TRIM33: variants seen among roughly 807,000 people sequenced by gnomAD.
The protein encoded by TRIM33 is tripartite motif containing 33, also known as E3 ubiquitin-protein ligase TRIM33.
In TRIM33, 20 loss-of-function variants were observed where a neutral mutation model predicts 125.4. That is an observed-to-expected ratio of 0.16 (90% confidence interval 0.11 to 0.23). The LOEUF (loss-of-function observed/expected upper bound fraction) is 0.23, where lower values mean the gene tolerates loss of function less well. TRIM33 is among the 10% of genes least tolerant of loss of function. The probability of loss-of-function intolerance (pLI) is 1.00; values close to 1 mark genes in which losing one functional copy is unlikely to be tolerated. For synonymous variants in TRIM33, 564 were observed against 513.9 expected (o/e 1.10, Z -1.32); for missense variants, 920 against 1,411.4 (o/e 0.65, Z 5.58).
chr1:114,426,170 A>G (rs959781402), intron 8 of TRIM33, among the ~76,000 whole-genome samples: 3 of 152,166 alleles, frequency 2.0e-5, no homozygotes, highest in African/African-American at 7.2e-5. Flanking sequence ...GGAAATACTG[A>G]ATGCTTTAAA....
intron 1 of TRIM33, among the ~76,000 whole-genome samples, chr1:114,503,663 T>C (rs1003754411): frequency 6.6e-6 from 1 of 152,186 alleles, no homozygotes; most frequent in African/African-American, 2.4e-5. Flanking sequence ...CAGGAAAGTC[T>C]TTAAATACTG....
chr1:114,475,907 G>A (rs1036953006), intron 1 of TRIM33, among the ~76,000 whole-genome samples: 3 of 151,936 alleles, frequency 2.0e-5, no homozygotes, highest in Non-Finnish European at 4.4e-5. Context: ...CAAGGCTGAG[G>A]CAGGATTGCT....
intron 6 of TRIM33, among the ~76,000 whole-genome samples, chr1:114,428,817 G>A (rs1647752463): frequency 6.6e-6 from 1 of 151,658 alleles, no homozygotes; most frequent in South Asian, 2.1e-4. Flanking sequence ...GTAGTATGTG[G>A]CGTATTTACC....
chr1:114,472,035 A>G (rs1204329822), intron 1 of TRIM33, among the ~76,000 whole-genome samples: 2 of 152,220 alleles, frequency 1.3e-5, no homozygotes, highest in East Asian at 3.8e-4. Context: ...GCATTTGATT[A>G]TAGGGTACGA....
intron 4 of TRIM33, among the ~76,000 whole-genome samples, chr1:114,446,323 A>G (rs1445588692): frequency 1.3e-5 from 2 of 152,214 alleles, no homozygotes; most frequent in African/African-American, 4.8e-5. Flanking sequence ...AAATTGGTAA[A>G]TATGAAACAC....
chr1:114,427,238 A>G lies in TRIM33; in HGVS notation c.1359T>C (p.Ala453=), dbSNP rs1647645090. 2 of 1,608,726 alleles carry G rather than the reference A, an allele frequency of 1.2e-6. No individual in the cohort carries two copies. The highest frequency in any genetic ancestry group is 1.7e-6 in the Non-Finnish European group (2 of 1,176,542). The part of the protein sequence containing the change: ...LKARCDPVPA[A]NGAIRFHCDP... ...CACAATGGAAACGTATTGCTCCATT[A>G]GCAGCAGGGACAGGATCACACCGTG... is the stretch of plus-strand genomic sequence containing the variant. Residue 453 remains alanine (A), a synonymous_variant, in exon 8 of 20, where the codon GCT becomes GCC. Coordinates refer to ENST00000358465, the MANE Select transcript of TRIM33 (RefSeq NM_015906.4).
In TRIM33 at chr1:114,421,545, G is replaced by A. The variant is rs777363478; in HGVS notation, c.1952C>T (p.Ala651Val). ...GCTGGTGGGACCTCGGTTTGCATTT[G>A]CCATAGTTGCTGTAGTAGGGCTCGT... ...NPTSPTTATM[A>V]NANRGPTSPS... The change falls in exon 11 of 20, where the codon GCA (alanine) becomes GTA (valine). Residue 651 changes from alanine to valine, a missense_variant. Transcript: ENST00000358465. 5.0e-6 allele frequency: 8 copies of A among 1,614,104 alleles called. No homozygotes were observed. The South Asian group carries it at 7.7e-5, about 16-fold the overall frequency.
chr1:114,434,397 TTAAAA>T (rs1271395091), intron 4 of TRIM33, among the ~76,000 whole-genome samples: 1 of 152,252 alleles, frequency 6.6e-6, no homozygotes, highest in Non-Finnish European at 1.5e-5. Context: ...ATAATTACAC[TTAAAA>T]TAATTTTTCA....
At chr1:114,411,986 A>G (rs1309987280) in intron 11 of TRIM33, among the ~76,000 whole-genome samples, 1 of 152,254 alleles carries the variant, frequency 6.6e-6, no homozygotes, top group African/African-American at 2.4e-5. Flanking sequence ...GAAAATGAGC[A>G]AAGATATTTC....
intron 4 of TRIM33, among the ~76,000 whole-genome samples, chr1:114,453,028 T>C (rs1649410775): frequency 6.6e-6 from 1 of 151,836 alleles, no homozygotes; most frequent in Non-Finnish European, 1.5e-5. Context: ...GAGGGGGTGT[T>C]GGTAGGGAGG....
At position 114,414,989 on chromosome 1, in the gene TRIM33, ATTTTT is replaced by A. The variant is rs56960865; in HGVS notation, c.2062-4678_2062-4674del. Among the ~76,000 whole-genome samples, 252 of 104,686 alleles carry A rather than the reference ATTTTT, an allele frequency of 2.4e-3. 1 individual carries two copies. The highest frequency in any genetic ancestry group is 8.6e-3 in the African/African-American group (228 of 26,416). 68.7% of individuals were successfully genotyped at this position (104,686 alleles called of 152,430 possible). A position where few individuals can be genotyped will look rare whatever the true frequency, so the allele number is the denominator to read the frequency against. ...CCAACATATCCATGAGGTAGATTCT[ATTTTT>A]TTTTTTTTTTTTTTTTTTGAGACAG... On this transcript the variant is annotated intron_variant, in intron 11 of 19. Transcript: ENST00000358465.
intron 5 of TRIM33, among the ~76,000 whole-genome samples, chr1:114,433,129 G>A (rs989992570): frequency 9.2e-5 from 14 of 152,290 alleles, no homozygotes; most frequent in African/African-American, 3.4e-4. Context: ...AAATGGTGAT[G>A]ATAATTATAA....
At chr1:114,486,021 T>A (rs1244156477) in intron 1 of TRIM33, among the ~76,000 whole-genome samples, 1 of 152,076 alleles carries the variant, frequency 6.6e-6, no homozygotes, top group Non-Finnish European at 1.5e-5. Context: ...ACACCTGTAA[T>A]CCCAGCACTT....
chr1:114,475,138 C>A (rs1429935733), intron 1 of TRIM33, among the ~76,000 whole-genome samples: 1 of 152,018 alleles, frequency 6.6e-6, no homozygotes, highest in African/African-American at 2.4e-5. Flanking sequence ...TATGACCCCC[C>A]ACAAAACAAA....
chr1:114,463,012 C>T (rs1031915456), intron 4 of TRIM33, 92 bp downstream of exon 4: 6 of 989,952 alleles, frequency 6.1e-6, no homozygotes, highest in Non-Finnish European at 8.4e-6. Context: ...GATTAAGACA[C>T]AAACATATAA....
At chr1:114,463,050 A>C (rs1423247703) in intron 4 of TRIM33, 54 bp downstream of exon 4, 1 of 1,412,638 alleles carries the variant, frequency 7.1e-7, no homozygotes, top group Non-Finnish European at 9.4e-7. Context: ...AAGAAGAATG[A>C]CTTTACAAGC....
chr1:114,428,389 CTT>C (rs1347723097), intron 6 of TRIM33, among the ~76,000 whole-genome samples: 1 of 152,098 alleles, frequency 6.6e-6, no homozygotes, highest in Non-Finnish European at 1.5e-5. Flanking sequence ...ATTAGGGAAA[CTT>C]TTGATATCAC....
rs1246235988 is a variant in TRIM33, at chr1:114,394,918, C to G, written c.*2730G>C. On this transcript the variant is annotated 3_prime_UTR_variant, in exon 20 of 20. Transcript: ENST00000358465. ...AAAACTTTAAAAGCTTTTAAGAAAACATTATTATGTGGACTTTTCTCCAAA... is the reference window on the plus strand; with the variant it reads ...AAAACTTTAAAAGCTTTTAAGAAAAGATTATTATGTGGACTTTTCTCCAAA... The G allele has an allele frequency of 5.1e-6, 1 of 194,214 alleles. No homozygotes were observed. Among genetic ancestry groups the G allele is most frequent in the Non-Finnish European group, 1.1e-5 (1 of 93,246 alleles). 12.0% of individuals were successfully genotyped at this position (194,214 alleles called of 1,614,324 possible).
chr1:114,408,586 T>C, intron 13 of TRIM33, 91 bp downstream of exon 13: 1 of 795,714 alleles, frequency 1.3e-6, no homozygotes, highest in Non-Finnish European at 2.1e-6. Context: ...GTGTTAAGTA[T>C]AAAGGGGTTC....
Sources: gnomAD v4.1 joint callset for allele counts (sites outside exome capture counted in the v4.1 genomes callset) on GRCh38, gnomAD v4.1.1 for gene constraint, MANE v1.5 for transcripts, NCBI Gene and HGNC (gene_info 2026-07-23, HGNC 2026-07-21) for gene names.